CTIF: variants seen among roughly 807,000 people sequenced by gnomAD.
CTIF encodes the protein cap binding complex dependent translation initiation factor, also known as CBP80/20-dependent translation initiation factor.
A neutral mutation model predicts 66.0 loss-of-function variants in CTIF; 21 were observed. That is an observed-to-expected ratio of 0.32 (90% CI 0.23 to 0.46). The LOEUF (loss-of-function observed/expected upper bound fraction) is 0.46. Among genes scored for constraint, CTIF ranks in the 20% least tolerant of loss-of-function variants. The pLI, the probability that CTIF is intolerant of heterozygous loss-of-function variation, is 1.00. For synonymous variants in CTIF, 345 were observed against 326.4 expected (o/e 1.06, Z -0.62); for missense variants, 739 against 812.7 (o/e 0.91, Z 1.10).
At chr18:48,553,044 G>C (rs2088922867) in intron 1 of CTIF, among the ~76,000 whole-genome samples, 1 of 152,148 alleles carries the variant, frequency 6.6e-6, no homozygotes, top group Non-Finnish European at 1.5e-5. Context: ...AGATGTTTTT[G>C]ACATTTGCCT....
intron 7 of CTIF, among the ~76,000 whole-genome samples, chr18:48,748,306 G>A (rs946956896): frequency 2.0e-5 from 3 of 152,082 alleles, no homozygotes; most frequent in Non-Finnish European, 1.5e-5. Flanking sequence ...CCCCCAGCAG[G>A]TGGGGGCCAC....
intron 1 of CTIF, among the ~76,000 whole-genome samples, chr18:48,588,612 G>C (rs758662177): frequency 6.6e-6 from 1 of 151,634 alleles, no homozygotes; most frequent in Non-Finnish European, 1.5e-5. Flanking sequence ...TGACCTGTCT[G>C]TCCTGCCCCT....
chr18:48,737,536 C>T (rs182593925), intron 7 of CTIF, among the ~76,000 whole-genome samples: 1 of 151,892 alleles, frequency 6.6e-6, no homozygotes, highest in Admixed American at 6.5e-5. Context: ...AGAAATCAAT[C>T]AGATGGATCA....
At chr18:48,716,771 A>G (rs2092286080) in intron 7 of CTIF, among the ~76,000 whole-genome samples, 1 of 152,244 alleles carries the variant, frequency 6.6e-6, no homozygotes, top group Non-Finnish European at 1.5e-5. Flanking sequence ...TAATGTAGGC[A>G]TTAGTGGTCC....
intron 9 of CTIF, among the ~76,000 whole-genome samples, chr18:48,763,030 A>G (rs2145900319): frequency 6.6e-6 from 1 of 152,266 alleles, no homozygotes; most frequent in South Asian, 2.1e-4. Context: ...GAATTCCCGC[A>G]TTACCTGAGG....
At chr18:48,743,870 G>C (rs577623445) in intron 7 of CTIF, among the ~76,000 whole-genome samples, 1 of 152,288 alleles carries the variant, frequency 6.6e-6, no homozygotes, top group African/African-American at 2.4e-5. Context: ...GCAAGATTCA[G>C]CTGTGGCAGC....
At chr18:48,834,027 C>T (rs1007979906) in intron 10 of CTIF, among the ~76,000 whole-genome samples, 3 of 149,210 alleles carry the variant, frequency 2.0e-5, no homozygotes, top group Admixed American at 6.7e-5. Context: ...TCCCCTTCCC[C>T]CTCCTTTCCC....
In CTIF at chr18:48,575,545, C is replaced by T. The variant is rs1035323732; in HGVS notation, c.-29+36233C>T. ...GCGCACTGTGAGTGGAACAGAGTTG[C>T]GGTGTCAGGACCTCCAAGCCCTGCA... On this transcript the variant is annotated intron_variant, in intron 1 of 11. Transcript: ENST00000256413. 2.6e-5 allele frequency among the ~76,000 whole-genome samples: 4 copies of T among 152,342 alleles called. No individual in the cohort carries two copies. In the South Asian group the frequency reaches 6.2e-4, roughly 24 times the overall value.
intron 1 of CTIF, among the ~76,000 whole-genome samples, chr18:48,540,811 C>T (rs867992503): frequency 1.3e-5 from 2 of 152,180 alleles, no homozygotes; most frequent in East Asian, 3.9e-4. Context: ...GTCCCGCCAG[C>T]CCCCTCCTTG....
chr18:48,592,793 C>T (rs185307574), intron 1 of CTIF, among the ~76,000 whole-genome samples: 6 of 152,264 alleles, frequency 3.9e-5, no homozygotes, highest in South Asian at 2.1e-4. Context: ...TCTCATCAGC[C>T]GGGAAGAATC....
chr18:48,626,949 G>T (rs2090616110), intron 2 of CTIF, among the ~76,000 whole-genome samples: 1 of 152,156 alleles, frequency 6.6e-6, no homozygotes, highest in African/African-American at 2.4e-5. Context: ...GAGCCACTGT[G>T]CCTGGCCACC....
At chr18:48,796,267 G>A (rs1175655607) in intron 9 of CTIF, among the ~76,000 whole-genome samples, 15 of 151,580 alleles carry the variant, frequency 9.9e-5, no homozygotes, top group South Asian at 2.1e-4. Context: ...TCCACCTCCC[G>A]GGTTCATGCC....
chr18:48,606,532 C>T (rs2090204526), intron 1 of CTIF, among the ~76,000 whole-genome samples: 1 of 152,248 alleles, frequency 6.6e-6, no homozygotes, highest in African/African-American at 2.4e-5. Context: ...CAGTGCCACC[C>T]TCCAGACCTC....
chr18:48,831,730 A>T (rs1467605004), intron 10 of CTIF, among the ~76,000 whole-genome samples: 2 of 152,258 alleles, frequency 1.3e-5, no homozygotes, highest in Non-Finnish European at 2.9e-5. Context: ...GGAACAGGTG[A>T]AATTAATTTT....
chr18:48,667,669 C>A (rs35773906), intron 5 of CTIF, among the ~76,000 whole-genome samples: 21,762 of 152,218 alleles, frequency 0.14, 1,993 homozygotes, highest in African/African-American at 0.26. Context: ...CCTTCTGAAG[C>A]CAGAGTAACC....
At chr18:48,707,647 C>G (rs879591673) in intron 6 of CTIF, among the ~76,000 whole-genome samples, 5 of 151,190 alleles carry the variant, frequency 3.3e-5, no homozygotes, top group Admixed American at 6.6e-5. Flanking sequence ...TTTTTTCTTC[C>G]TCTGAACACA....
chr18:48,698,754 G>A (rs926669605), intron 6 of CTIF, among the ~76,000 whole-genome samples: 11 of 152,164 alleles, frequency 7.2e-5, no homozygotes, highest in African/African-American at 2.7e-4. Context: ...CTAATCTAAA[G>A]CATTATCCCC....
intron 1 of CTIF, among the ~76,000 whole-genome samples, chr18:48,593,012 G>A (rs1260803924): frequency 1.3e-5 from 2 of 152,230 alleles, no homozygotes; most frequent in East Asian, 3.8e-4. Flanking sequence ...CCCATGTCCT[G>A]CCTTCAGATG....
At chr18:48,713,864 C>G (rs115099503) in intron 7 of CTIF, among the ~76,000 whole-genome samples, 1,530 of 152,342 alleles carry the variant, frequency 0.01, 22 homozygotes, top group African/African-American at 0.034. Context: ...TGGGGCAACA[C>G]TGTGCAAGTC....
Sources: allele counts gnomAD v4.1 joint callset (sites outside exome capture counted in the v4.1 genomes callset), GRCh38; gene constraint gnomAD v4.1.1; transcripts MANE v1.5; gene names NCBI Gene and HGNC (gene_info 2026-07-23, HGNC 2026-07-21).